PCDH15: variants seen among roughly 807,000 people sequenced by gnomAD.
The protein encoded by PCDH15 is protocadherin related 15.
A neutral mutation model predicts 178.5 loss-of-function variants in PCDH15; 129 were observed. The observed-to-expected ratio is 0.72, with a 90% confidence interval of 0.63 to 0.84. The LOEUF (loss-of-function observed/expected upper bound fraction) is 0.84, where lower values mean the gene tolerates loss of function less well. PCDH15 is among the 40% of genes least tolerant of loss of function. The pLI is 0.00. For synonymous variants in PCDH15, 800 were observed against 732.0 expected, an observed-to-expected ratio of 1.09 and a Z score of -1.50; for missense variants, 2,230 against 2,099.9, an observed-to-expected ratio of 1.06 and a Z score of -1.21.
At chr10:54,670,632 G>A (rs757689385) in intron 1 of PCDH15, among the ~76,000 whole-genome samples, 8 of 151,962 alleles carry the variant, frequency 5.3e-5, no homozygotes, top group Non-Finnish European at 1.2e-4. Flanking sequence ...TAATAATGTA[G>A]TCATACTAGT....
chr10:54,045,266 G>A (rs1370570466), intron 18 of PCDH15, among the ~76,000 whole-genome samples: 1 of 152,168 alleles, frequency 6.6e-6, no homozygotes, highest in East Asian at 1.9e-4. Flanking sequence ...TGCAAAGCTA[G>A]GCTCTGCTGC....
intron 26 of PCDH15, among the ~76,000 whole-genome samples, chr10:53,888,336 G>GTATA (rs1491117307): frequency 3.0e-5 from 2 of 65,738 alleles, no homozygotes; most frequent in African/African-American, 1.1e-4. Flanking sequence ...ATATATGTAC[G>GTATA]TATATATATA....
intron 2 of PCDH15, among the ~76,000 whole-genome samples, chr10:55,133,322 C>G (rs1052628625): frequency 3.3e-5 from 5 of 151,984 alleles, no homozygotes; most frequent in Non-Finnish European, 5.9e-5. Context: ...TTGACATAGC[C>G]AAACACTCTT....
At chr10:54,502,543 T>C (rs936433296) in intron 3 of PCDH15, among the ~76,000 whole-genome samples, 7 of 152,086 alleles carry the variant, frequency 4.6e-5, no homozygotes, top group African/African-American at 1.4e-4. Context: ...TCTATAAAAG[T>C]TGGAATCTGG....
At chr10:55,604,021 A>G (rs2132149149) in intron 2 of PCDH15, among the ~76,000 whole-genome samples, 1 of 108,296 alleles carries the variant, frequency 9.2e-6, no homozygotes, top group African/African-American at 4.1e-5. Context: ...AGAGACACAC[A>G]TAGGCTCAAA....
chr10:54,804,076 T>G (rs909608162), upstream of PCDH15, among the ~76,000 whole-genome samples: 1 of 152,162 alleles, frequency 6.6e-6, no homozygotes, highest in African/African-American at 2.4e-5. Context: ...GTCTTGCTCT[T>G]TCGCCCAGGC....
intron 2 of PCDH15, among the ~76,000 whole-genome samples, chr10:55,436,318 C>G (rs1839039092): frequency 6.6e-6 from 1 of 151,948 alleles, no homozygotes; most frequent in African/African-American, 2.4e-5. Flanking sequence ...AGAAACATAT[C>G]AGTGCCTTTA....
chr10:55,399,110 G>A (rs964162381), intron 2 of PCDH15, among the ~76,000 whole-genome samples: 7 of 151,952 alleles, frequency 4.6e-5, no homozygotes, highest in Non-Finnish European at 8.8e-5. Flanking sequence ...AATTCATTTG[G>A]TATTCAAAAA....
rs989258660 is a variant in PCDH15 at position 53,806,168 on chromosome 10, C to CTTCTT, written c.*406_*410dup. Reference sequence around the variant, plus strand: ...CTCATTGCCTGTAAATATCCTCTTACTTCTTTTTTGCCCTTTTGGCTATGG... The same window carrying CTTCTT: ...CTCATTGCCTGTAAATATCCTCTTACTTCTTTTCTTTTTTGCCCTTTTGGCTATGG... On this transcript the variant is annotated 3_prime_UTR_variant, in exon 38 of 38. Transcript: ENST00000644397. 5.8e-6 allele frequency: 1 copy of CTTCTT among 171,742 alleles called. No individual in the cohort carries two copies. The highest frequency in any genetic ancestry group is 2.4e-5 in the African/African-American group (1 of 40,986). The allele number at this position is 171,742 out of a possible 1,614,324, so 10.6% of individuals were successfully genotyped here. A position where few individuals can be genotyped will look rare whatever the true frequency, so the allele number is the denominator to read the frequency against.
chr10:53,956,230 A>C (rs2087599385), intron 23 of PCDH15, among the ~76,000 whole-genome samples: 1 of 152,082 alleles, frequency 6.6e-6, no homozygotes, highest in Admixed American at 6.6e-5. Flanking sequence ...TTTGGCCAGA[A>C]ATCAGTCAAA....
At chr10:54,249,068 T>C (rs1292917807) in intron 8 of PCDH15, among the ~76,000 whole-genome samples, 1 of 152,048 alleles carries the variant, frequency 6.6e-6, no homozygotes, top group Non-Finnish European at 1.5e-5. Context: ...AGCAAAAATA[T>C]TTATAACCCT....
At chr10:55,043,498 C>A (rs960983680) in intron 2 of PCDH15, among the ~76,000 whole-genome samples, 3 of 151,876 alleles carry the variant, frequency 2.0e-5, no homozygotes, top group African/African-American at 7.3e-5. Flanking sequence ...TACTTGAGCC[C>A]AGAAGTGGGA....
At chr10:54,760,155 C>A (rs1947686692) in intron 1 of PCDH15, among the ~76,000 whole-genome samples, 1 of 152,102 alleles carries the variant, frequency 6.6e-6, no homozygotes, top group Admixed American at 6.6e-5. Flanking sequence ...TGTTGACAAC[C>A]TTAATCATAA....
chr10:54,144,302 T>C (rs2043692445), intron 14 of PCDH15, among the ~76,000 whole-genome samples: 1 of 152,124 alleles, frequency 6.6e-6, no homozygotes, highest in African/African-American at 2.4e-5. Context: ...GTCCCATAGA[T>C]CACTTTTTCG....
chr10:55,517,713 A>G (rs1249296687), intron 2 of PCDH15, among the ~76,000 whole-genome samples: 3 of 152,166 alleles, frequency 2.0e-5, no homozygotes, highest in Admixed American at 2.0e-4. Context: ...TGTTTATCGC[A>G]GCTTATTTCT....
In PCDH15 at chr10:54,328,812, G is replaced by A. The variant is rs969440169; in HGVS notation, c.705+784C>T. Reference sequence around the variant, plus strand: ...CCAGAGAAGAGGGAAGTATAAGGATGGAAGGAACCTAAGTCCCTGGTGATA... The same window carrying A: ...CCAGAGAAGAGGGAAGTATAAGGATAGAAGGAACCTAAGTCCCTGGTGATA... On this transcript the variant is annotated intron_variant, in intron 7 of 37. Transcript: ENST00000644397. 3.6e-4 allele frequency among the ~76,000 whole-genome samples: 54 copies of A among 151,760 alleles called. 1 individual carries two copies. Among genetic ancestry groups the A allele is most frequent in the Non-Finnish European group, 1.0e-4 (7 of 67,868 alleles).
At chr10:54,730,743 T>TA (rs1378782875) in intron 1 of PCDH15, among the ~76,000 whole-genome samples, 1 of 151,434 alleles carries the variant, frequency 6.6e-6, no homozygotes, top group Non-Finnish European at 1.5e-5. Context: ...TTTCTCACCA[T>TA]ATACAAAAAT....
rs563517035 is a variant in PCDH15 at position 55,506,132 on chromosome 10, A to C, written c.-156+121493T>G. 3.3e-5 allele frequency: 5 copies of C among 151,608 alleles called. No homozygotes were observed. The Admixed American group carries it at 3.3e-4, about 10-fold the overall frequency. The allele number at this position is 151,608 out of a possible 1,614,324, so 9.4% of individuals were successfully genotyped here. A position where few individuals can be genotyped will look rare whatever the true frequency, so the allele number is the denominator to read the frequency against. On this transcript the variant is annotated intron_variant, in intron 2 of 5. Coordinates refer to the PCDH15 transcript ENST00000613346. The stretch of plus-strand genomic sequence containing the variant: ...TCTAGTGCAAAGACAGATTAGAGGT[A>C]GAAAATGAGTGTGGGGATACCATTT...
intron 21 of PCDH15, among the ~76,000 whole-genome samples, chr10:53,968,775 C>T (rs951430688): frequency 1.3e-5 from 2 of 152,152 alleles, no homozygotes; most frequent in African/African-American, 4.8e-5. Flanking sequence ...TCCAACAGTC[C>T]AGCAGCTGAC....
Sources: allele counts gnomAD v4.1 joint callset (sites outside exome capture counted in the v4.1 genomes callset), GRCh38; gene constraint gnomAD v4.1.1; transcripts MANE v1.5; gene names NCBI Gene and HGNC (gene_info 2026-07-23, HGNC 2026-07-21).